The following SVOPL variants were observed in gnomAD, a reference collection of about 807,000 sequenced individuals.
The protein encoded by SVOPL is SVOP like.
A neutral mutation model predicts 61.0 loss-of-function variants in SVOPL; 60 were observed. The ratio of observed to expected loss-of-function variants is 0.98; its 90% CI spans 0.80 to 1.22. The LOEUF (loss-of-function observed/expected upper bound fraction) is 1.22. Ranked by LOEUF, SVOPL falls within the 50% of genes most tolerant of loss-of-function variation. SVOPL has a pLI of 0.00. For synonymous variants in SVOPL, 279 were observed against 250.0 expected (o/e 1.12, Z -1.09); for missense variants, 662 against 643.9 (o/e 1.03, Z -0.30).
intron 12 of SVOPL, 118 bp from the exon 13 acceptor site, chr7:138,626,168 A>AG (rs1799885803): frequency 1.2e-5 from 12 of 971,978 alleles, no homozygotes; most frequent in Non-Finnish European, 1.9e-5. Context: ...TCAGAACCCG[A>AG]GGGAGGTGCT....
chr7:138,649,831 AG>A (rs1413433120), intron 7 of SVOPL, among the ~76,000 whole-genome samples: 1 of 149,770 alleles, frequency 6.7e-6, no homozygotes, highest in East Asian at 1.9e-4. Flanking sequence ...GTGAAAAAAA[AG>A]GTTGTTTGTT....
intron 9 of SVOPL, among the ~76,000 whole-genome samples, chr7:138,633,244 A>G (rs1800300670): frequency 6.6e-6 from 1 of 152,172 alleles, no homozygotes; most frequent in South Asian, 2.1e-4. Context: ...TTTCTTGTTT[A>G]ATATAGTTTG....
chr7:138,631,960 T>TCACACACACACACA (rs756332176), intron 9 of SVOPL, among the ~76,000 whole-genome samples: 6,115 of 146,846 alleles, frequency 0.042, 196 homozygotes, highest in East Asian at 0.091. Flanking sequence ...TGCTCTGATA[T>TCACACACACACACA]CACACACACA....
chr7:138,616,270 G>A (rs931347130), intron 14 of SVOPL, among the ~76,000 whole-genome samples: 3 of 152,178 alleles, frequency 2.0e-5, no homozygotes, highest in African/African-American at 4.8e-5. Flanking sequence ...GAATAAGTGC[G>A]GAGGCAGCCC....
chr7:138,650,412 T>C (rs1276369607), intron 7 of SVOPL, among the ~76,000 whole-genome samples: 2 of 151,910 alleles, frequency 1.3e-5, no homozygotes, highest in African/African-American at 4.8e-5. Context: ...GAAGAAGAGA[T>C]TAGTTCTGAA....
At chr7:138,691,182 C>T (rs117478273) in intron 1 of SVOPL, among the ~76,000 whole-genome samples, 3,136 of 152,148 alleles carry the variant, frequency 0.021, 62 homozygotes, top group Middle Eastern at 0.041. Flanking sequence ...CAAATCACAG[C>T]GGCAGACTTT....
At chr7:138,684,402 T>A (rs1377026468) in intron 1 of SVOPL, among the ~76,000 whole-genome samples, 1 of 150,944 alleles carries the variant, frequency 6.6e-6, no homozygotes, top group African/African-American at 2.4e-5. Context: ...TCCTGCAACT[T>A]GAGCAAAACT....
At chr7:138,608,641 G>A (rs147140604) in intron 14 of SVOPL, among the ~76,000 whole-genome samples, 243 of 152,146 alleles carry the variant, frequency 1.6e-3, no homozygotes, top group African/African-American at 4.8e-3. Flanking sequence ...GGACATGTAC[G>A]ATGTGGGCAC....
intron 9 of SVOPL, among the ~76,000 whole-genome samples, chr7:138,635,704 C>A (rs1252441982): frequency 6.6e-6 from 1 of 152,052 alleles, no homozygotes; most frequent in Non-Finnish European, 1.5e-5. Flanking sequence ...CACATGCATG[C>A]CCAAATGTGC....
chr7:138,616,481 C>T (rs1799309133), intron 14 of SVOPL, among the ~76,000 whole-genome samples: 2 of 152,060 alleles, frequency 1.3e-5, no homozygotes, highest in East Asian at 3.9e-4. Flanking sequence ...GGATTACAGG[C>T]GCGCATCAAC....
At chr7:138,611,206 C>T (rs1190739111) in intron 14 of SVOPL, among the ~76,000 whole-genome samples, 1 of 152,146 alleles carries the variant, frequency 6.6e-6, no homozygotes, top group Non-Finnish European at 1.5e-5. Flanking sequence ...GGCAAACCCT[C>T]GTCTCTATTA....
At position 138,651,156 on chromosome 7, in the gene SVOPL, A is replaced by C. The variant is rs117526866; in HGVS notation, c.535-2019T>G. ...TTGGAAGGGAGGTAGGACAGCCTAA[A>C]GGGGTAGCAGCTGGGACCTACCACT... is the stretch of plus-strand genomic sequence containing the variant. On this transcript the variant is annotated intron_variant, in intron 7 of 15. Coordinates refer to ENST00000674285, the MANE Select transcript of SVOPL (RefSeq NM_001139456.2). Among the ~76,000 whole-genome samples the C allele has an allele frequency of 7.2e-5, 11 of 152,230 alleles. No individual in the cohort carries two copies. In the East Asian group the frequency reaches 2.1e-3, roughly 30 times the overall value.
intron 6 of SVOPL, among the ~76,000 whole-genome samples, chr7:138,659,517 T>C (rs373262643): frequency 6.6e-6 from 1 of 151,950 alleles, no homozygotes; most frequent in East Asian, 1.9e-4. Flanking sequence ...AATTAATATG[T>C]TAACATCTAC....
At chr7:138,615,339 C>T (rs761168432) in intron 14 of SVOPL, among the ~76,000 whole-genome samples, 19 of 152,070 alleles carry the variant, frequency 1.2e-4, no homozygotes, top group Non-Finnish European at 2.5e-4. Flanking sequence ...GGGCAGATCA[C>T]GAAGTCAGGA....
chr7:138,679,933 C>A (rs1296625348), intron 1 of SVOPL, among the ~76,000 whole-genome samples: 1 of 152,070 alleles, frequency 6.6e-6, no homozygotes, highest in Non-Finnish European at 1.5e-5. Flanking sequence ...AATGGAGAGA[C>A]TAAATGGCTA....
chr7:138,678,022 TCCCAA>T (rs1199149516), intron 3 of SVOPL, among the ~76,000 whole-genome samples: 9 of 152,154 alleles, frequency 5.9e-5, no homozygotes, highest in African/African-American at 2.2e-4. Flanking sequence ...AGCCTCAGCC[TCCCAA>T]AGTGCTGGGA....
At position 138,599,414 on chromosome 7, in the gene SVOPL, A is replaced by G. The variant is rs182886696; in HGVS notation, c.1354-2884T>C. ...AGCAATGAGTCACAAAATAGATCCA[A>G]GTATCTATGGACATTTGGTTTATTA... On this transcript the variant is annotated intron_variant, in intron 14 of 15. Coordinates refer to ENST00000674285, the MANE Select transcript of SVOPL (RefSeq NM_001139456.2). Among the ~76,000 whole-genome samples, 163 of 152,288 alleles carry G rather than the reference A, an allele frequency of 1.1e-3. 3 individuals are homozygous for G. The highest frequency in any genetic ancestry group is 7.3e-3 in the Admixed American group (112 of 15,288).
At chr7:138,622,188 A>G (rs1161985917) in intron 13 of SVOPL, among the ~76,000 whole-genome samples, 8 of 103,012 alleles carry the variant, frequency 7.8e-5, no homozygotes, top group Non-Finnish European at 1.5e-4. Context: ...CTATGTATCT[A>G]TCTATCTATC....
intron 15 of SVOPL, among the ~76,000 whole-genome samples, chr7:138,595,901 A>C (rs1372728864): frequency 6.6e-6 from 1 of 152,124 alleles, no homozygotes; most frequent in Non-Finnish European, 1.5e-5. Flanking sequence ...AAGATAGGCA[A>C]ACTAGGCCGG....
Sources: gnomAD v4.1 joint callset for allele counts (sites outside exome capture counted in the v4.1 genomes callset) on GRCh38, gnomAD v4.1.1 for gene constraint, MANE v1.5 for transcripts, NCBI Gene and HGNC (gene_info 2026-07-23, HGNC 2026-07-21) for gene names.